Variants in EYA4 observed in about 807,000 individuals in gnomAD.
EYA4 encodes the protein EYA transcriptional coactivator and phosphatase 4, also known as protein phosphatase EYA4.
In EYA4, 31 loss-of-function variants were observed where a neutral mutation model predicts 87.9. The ratio of observed to expected loss-of-function variants is 0.35; its 90% CI spans 0.27 to 0.48. The LOEUF (loss-of-function observed/expected upper bound fraction) is 0.48, where lower values mean the gene tolerates loss of function less well. Ranked by LOEUF, EYA4 falls within the 20% of genes least tolerant of loss-of-function variation. The probability of loss-of-function intolerance (pLI) is 0.99; values close to 1 mark genes in which losing one functional copy is unlikely to be tolerated. For missense variants in EYA4, 678 were observed against 761.4 expected (o/e 0.89, Z 1.29); for synonymous variants, 263 against 270.6 (o/e 0.97, Z 0.28).
intron 3 of EYA4, among the ~76,000 whole-genome samples, chr6:133,440,063 G>A (rs1350016770): frequency 2.6e-5 from 4 of 152,112 alleles, no homozygotes; most frequent in South Asian, 4.1e-4. Context: ...TGTTTCCAAC[G>A]TTGTTTCCTC....
chr6:133,373,521 G>C (rs1203666938), intron 2 of EYA4, among the ~76,000 whole-genome samples: 2 of 152,040 alleles, frequency 1.3e-5, no homozygotes, highest in East Asian at 3.9e-4. Flanking sequence ...CTTCTTTCCT[G>C]GTTCACTGCG....
At chr6:133,438,218 G>A (rs142569049) in intron 3 of EYA4, among the ~76,000 whole-genome samples, 16 of 152,156 alleles carry the variant, frequency 1.1e-4, no homozygotes, top group African/African-American at 3.9e-4. Context: ...TCAAGCATAA[G>A]TAACTAAATT....
At position 133,321,455 on chromosome 6, in the gene EYA4, T is replaced by G. The variant is rs1351828179; in HGVS notation, c.33+46642T>G. Among the ~76,000 whole-genome samples the G allele has an allele frequency of 2.0e-5, 3 of 152,216 alleles. No homozygotes were observed. In the East Asian group the frequency reaches 5.8e-4, roughly 29 times the overall value. ...AGCTTTAAATTTCCTTTCTCATGTT[T>G]TAAATTTATAATGCTTTTATCTCAT... is the stretch of plus-strand genomic sequence containing the variant. On this transcript the variant is annotated intron_variant, in intron 2 of 19. Coordinates refer to ENST00000355286, the MANE Select transcript of EYA4 (RefSeq NM_004100.5).
chr6:133,374,887 T>A (rs759448817), intron 2 of EYA4, among the ~76,000 whole-genome samples: 3 of 152,050 alleles, frequency 2.0e-5, no homozygotes, highest in Non-Finnish European at 2.9e-5. Context: ...ATTTAATAAT[T>A]GGATTTTTAG....
chr6:133,465,172 T>C (rs1001647558), intron 10 of EYA4, among the ~76,000 whole-genome samples: 3 of 152,122 alleles, frequency 2.0e-5, no homozygotes, highest in Non-Finnish European at 4.4e-5. Context: ...AGAACAATTT[T>C]ATTTTTCTTG....
rs184322328 is a variant in EYA4 at position 133,248,204 on chromosome 6, G to A, written c.-66+6455G>A. The A allele has an allele frequency of 4.3e-3, 655 of 152,286 alleles. 6 individuals are homozygous for A. The highest frequency in any genetic ancestry group is 0.015 in the African/African-American group (624 of 41,566). 9.4% of individuals were successfully genotyped at this position (152,286 alleles called of 1,614,324 possible). ...AAGACTGTAAGAAGAAACACCAGCA[G>A]TGGCCTAACTTGACATGACTTTAGA... On this transcript the variant is annotated intron_variant, in intron 1 of 19. Transcript: ENST00000355286.
At position 133,446,733 on chromosome 6, in the gene EYA4, G is replaced by A. The variant is rs372209289; in HGVS notation, c.187G>A (p.Val63Ile). The A allele has an allele frequency of 6.2e-7, 1 of 1,613,958 alleles. No homozygotes were observed. Among genetic ancestry groups the A allele is most frequent in the Non-Finnish European group, 8.5e-7 (1 of 1,179,942 alleles). ...AAAATCTAATCTCAGCAGCACATCA[G>A]TTACTACAAATGGGACAGGAGGTAA... is the stretch of plus-strand genomic sequence containing the variant. ...LEKSNLSSTSVTTNGTGGENM... is the reference protein window; with the variant it reads ...LEKSNLSSTSITTNGTGGENM... The change falls in exon 4 of 20, where the codon GTT becomes ATT. Residue 63 changes from valine (V) to isoleucine (I), a missense_variant. By Grantham distance (29) the Val-to-Ile change is conservative. Coordinates refer to ENST00000355286, the MANE Select transcript of EYA4 (RefSeq NM_004100.5).
At chr6:133,466,706 T>C (rs1346077340) in intron 10 of EYA4, among the ~76,000 whole-genome samples, 1 of 151,746 alleles carries the variant, frequency 6.6e-6, no homozygotes, top group Non-Finnish European at 1.5e-5. Flanking sequence ...GGCAGTGGTG[T>C]TTCAGGCAAA....
chr6:133,369,135 T>C (rs1785074820), intron 2 of EYA4, among the ~76,000 whole-genome samples: 1 of 152,236 alleles, frequency 6.6e-6, no homozygotes, highest in African/African-American at 2.4e-5. Context: ...TTTTAAGATC[T>C]GTTAAGACAT....
intron 2 of EYA4, among the ~76,000 whole-genome samples, chr6:133,278,486 A>G (rs937008009): frequency 6.6e-6 from 1 of 152,134 alleles, no homozygotes; most frequent in Non-Finnish European, 1.5e-5. Context: ...ACTTCTTAGC[A>G]CGATTCTTGC....
At chr6:133,324,496 T>A (rs1781338328) in intron 2 of EYA4, among the ~76,000 whole-genome samples, 1 of 152,200 alleles carries the variant, frequency 6.6e-6, no homozygotes, top group Non-Finnish European at 1.5e-5. Flanking sequence ...TTTATTATTT[T>A]AAAAGTTTTT....
At chr6:133,257,787 G>A (rs1426235290) in intron 1 of EYA4, among the ~76,000 whole-genome samples, 5 of 152,142 alleles carry the variant, frequency 3.3e-5, no homozygotes, top group East Asian at 1.9e-4. Context: ...TTCATGAAAC[G>A]TAATTTATCC....
At chr6:133,364,225 C>T (rs7766140) in intron 2 of EYA4, among the ~76,000 whole-genome samples, 6,479 of 152,236 alleles carry the variant, frequency 0.043, 232 homozygotes, top group East Asian at 0.2. Flanking sequence ...GGTGTTTGGG[C>T]TGCCACTTGA....
intron 17 of EYA4, among the ~76,000 whole-genome samples, chr6:133,517,088 G>A (rs939825790): frequency 6.6e-6 from 1 of 152,028 alleles, no homozygotes; most frequent in Non-Finnish European, 1.5e-5. Context: ...TTGAGGATTC[G>A]CCACACTGCC....
chr6:133,394,294 T>TGG (rs1289525079), intron 3 of EYA4, among the ~76,000 whole-genome samples: 6 of 30,794 alleles, frequency 1.9e-4, no homozygotes, highest in African/African-American at 2.9e-4. Context: ...GTTTTTTTTT[T>TGG]TTTTTTTTTT....
chr6:133,406,166 A>G (rs1187085175), intron 3 of EYA4, among the ~76,000 whole-genome samples: 1 of 152,180 alleles, frequency 6.6e-6, no homozygotes, highest in Non-Finnish European at 1.5e-5. Context: ...ACCACCTACC[A>G]TGGGCCAGGT....
At chr6:133,434,306 A>T (rs964956034) in intron 3 of EYA4, among the ~76,000 whole-genome samples, 1 of 152,322 alleles carries the variant, frequency 6.6e-6, no homozygotes, top group Middle Eastern at 3.4e-3. Context: ...AAACTTTCTG[A>T]TAGTATAAGT....
At position 133,529,924 on chromosome 6, in the gene EYA4, AG is replaced by A. The variant is rs1380132879; in HGVS notation, c.*1120del. The A allele has an allele frequency of 2.0e-6, 2 of 985,160 alleles. No homozygotes were observed. Among genetic ancestry groups the A allele is most frequent in the African/African-American group, 3.5e-5 (2 of 57,242 alleles). The allele number at this position is 985,160 out of a possible 1,614,324, so 61.0% of individuals were successfully genotyped here. A position where few individuals can be genotyped will look rare whatever the true frequency, so the allele number is the denominator to read the frequency against. On this transcript the variant is annotated 3_prime_UTR_variant, in exon 20 of 20. Coordinates refer to ENST00000355286, the MANE Select transcript of EYA4 (RefSeq NM_004100.5). ...GGAGGATATTATCATGCAAATCATG[AG>A]CAATTATCACATAAACTTTTTTAGA...
chr6:133,465,979 T>G lies in EYA4; in HGVS notation c.804+1121T>G, dbSNP rs114978765. The stretch of plus-strand genomic sequence containing the variant: ...TATTTTTTAAAATTGAGGTTTTTTT[T>G]GTAACTTGATTTTATGCATTTATTT... On this transcript the variant is annotated intron_variant, in intron 10 of 19. Coordinates refer to ENST00000355286, the MANE Select transcript of EYA4 (RefSeq NM_004100.5). Among the ~76,000 whole-genome samples, 1,133 of 152,242 alleles carry G rather than the reference T, an allele frequency of 7.4e-3. 11 individuals carry two copies. The highest frequency in any genetic ancestry group is 0.025 in the African/African-American group (1,035 of 41,564).
Sources: gnomAD v4.1 joint callset for allele counts (sites outside exome capture counted in the v4.1 genomes callset) on GRCh38, gnomAD v4.1.1 for gene constraint, MANE v1.5 for transcripts, NCBI Gene and HGNC (gene_info 2026-07-23, HGNC 2026-07-21) for gene names.